The following PIEZO2 variants were observed in gnomAD, a reference collection of about 807,000 sequenced individuals.
The protein encoded by PIEZO2 is piezo-type mechanosensitive ion channel component 2.
Under a neutral mutation model 337.3 loss-of-function variants are expected in PIEZO2, and 172 were observed. The ratio of observed to expected loss-of-function variants is 0.51; its 90% confidence interval spans 0.45 to 0.58. The LOEUF is 0.58. PIEZO2 is among the 20% of genes least tolerant of loss of function. PIEZO2 has a pLI of 0.00. For synonymous variants in PIEZO2, 1,251 were observed against 1,228.5 expected (o/e 1.02, Z -0.38); for missense variants, 3,028 against 3,391.3 (o/e 0.89, Z 2.66).
chr18:11,135,182 C>A (rs2040447217), intron 1 of PIEZO2, among the ~76,000 whole-genome samples: 1 of 152,092 alleles, frequency 6.6e-6, no homozygotes. Flanking sequence ...TGGGCAAGAG[C>A]CAAAACAGAA....
intron 3 of PIEZO2, among the ~76,000 whole-genome samples, chr18:10,928,544 A>C (rs2031892685): frequency 6.6e-6 from 1 of 152,220 alleles, no homozygotes; most frequent in Non-Finnish European, 1.5e-5. Context: ...CTGGCACATA[A>C]ATATTATAAA....
rs1416342203 is a variant in PIEZO2 at position 10,862,979 on chromosome 18, C to T, written c.493-5768G>A. The stretch of plus-strand genomic sequence containing the variant: ...CTTTGGACCTCAGAGCAGAGCTTTT[C>T]ATGCAGCTGAATCCATTTTTTTCTC... On this transcript the variant is annotated intron_variant, in intron 5 of 55. Coordinates refer to ENST00000674853, the MANE Select transcript of PIEZO2 (RefSeq NM_001378183.1). This position sits in a 1 kb window ranked among gnomAD's most constrained non-coding sequence, Gnocchi z 4.4. Among the ~76,000 whole-genome samples, 1 of 152,206 alleles carries T rather than the reference C, an allele frequency of 6.6e-6. No individual in the cohort carries two copies. The highest frequency in any genetic ancestry group is 1.5e-5 in the Non-Finnish European group (1 of 68,026).
At chr18:10,841,460 C>A (rs965545087) in intron 7 of PIEZO2, among the ~76,000 whole-genome samples, 5 of 152,116 alleles carry the variant, frequency 3.3e-5, no homozygotes, top group African/African-American at 9.7e-5. Context: ...AGTGACTCAT[C>A]ATGTACAAGA....
chr18:10,931,697 G>GGTGTGTGTGTGT (rs369138997), intron 3 of PIEZO2, among the ~76,000 whole-genome samples: 7 of 143,436 alleles, frequency 4.9e-5, no homozygotes, highest in South Asian at 2.3e-4. Flanking sequence ...TTCTCTGTGT[G>GGTGTGTGTGTGT]GTGTGTGTGT....
In PIEZO2 at chr18:10,677,718, GCT is replaced by G. The variant is rs985437905; in HGVS notation, c.8081+27_8081+28del. Reference sequence around the variant, plus strand: ...GTACCAGCTGCATATACCTAACAAAGCTCTATTAGTAGGAAAAAATACACTTA... The same window carrying G: ...GTACCAGCTGCATATACCTAACAAAGCTATTAGTAGGAAAAAATACACTTA... On this transcript the variant is annotated intron_variant, in intron 53 of 55. Coordinates refer to ENST00000674853, the MANE Select transcript of PIEZO2 (RefSeq NM_001378183.1). This position sits in a 1 kb window ranked among gnomAD's most constrained non-coding sequence, Gnocchi z 4.1. 1.2e-6 allele frequency: 2 copies of G among 1,601,478 alleles called. No homozygotes were observed. The highest frequency in any genetic ancestry group is 1.8e-5 in the Admixed American group (1 of 56,852).
chr18:11,004,174 T>G (rs1418724224), intron 2 of PIEZO2, among the ~76,000 whole-genome samples: 1 of 152,184 alleles, frequency 6.6e-6, no homozygotes, highest in Non-Finnish European at 1.5e-5. Context: ...GTGTGAGTAG[T>G]GACACCCCTG....
chr18:10,946,172 A>T (rs1287655665), intron 3 of PIEZO2, among the ~76,000 whole-genome samples: 1 of 152,174 alleles, frequency 6.6e-6, no homozygotes, highest in Non-Finnish European at 1.5e-5. Context: ...GCATATCATA[A>T]TTTAAATGCT....
At chr18:11,023,652 C>T (rs2036406083) in intron 2 of PIEZO2, among the ~76,000 whole-genome samples, 1 of 152,256 alleles carries the variant, frequency 6.6e-6, no homozygotes, top group Admixed American at 6.5e-5. Context: ...TGTGCCCACA[C>T]TCCTCAGCCC....
chr18:10,675,458 T>C (rs1387936723), intron 53 of PIEZO2, among the ~76,000 whole-genome samples, 170 bp from the exon 54 acceptor site: 2 of 152,182 alleles, frequency 1.3e-5, no homozygotes, highest in African/African-American at 2.4e-5. Flanking sequence ...CAGTCAAAAC[T>C]CTCTCATATG....
At position 10,856,243 on chromosome 18, in the gene PIEZO2, A is replaced by G. The variant is rs972333083; in HGVS notation, c.704-677T>C. Among the ~76,000 whole-genome samples the G allele has an allele frequency of 2.0e-5, 3 of 152,192 alleles. No homozygotes were observed. The highest frequency in any genetic ancestry group is 4.4e-5 in the Non-Finnish European group (3 of 68,028). On this transcript the variant is annotated intron_variant, in intron 6 of 55. Coordinates refer to ENST00000674853, the MANE Select transcript of PIEZO2 (RefSeq NM_001378183.1). This position sits in a 1 kb window ranked among gnomAD's most constrained non-coding sequence, Gnocchi z 4.7. Reference sequence around the variant, plus strand: ...TTTTTAAGGAATCATAAATAAAGCCATCACCTTAGGGCAAAAGGAGTCTGT... The same window carrying G: ...TTTTTAAGGAATCATAAATAAAGCCGTCACCTTAGGGCAAAAGGAGTCTGT...
intron 4 of PIEZO2, among the ~76,000 whole-genome samples, chr18:10,889,133 A>T (rs1347810682): frequency 1.3e-5 from 2 of 152,228 alleles, no homozygotes; most frequent in African/African-American, 4.8e-5. Flanking sequence ...GGACAGACAC[A>T]GGTCCACCCA....
chr18:10,778,479 C>A (rs1297349354), intron 18 of PIEZO2, among the ~76,000 whole-genome samples: 1 of 152,070 alleles, frequency 6.6e-6, no homozygotes, highest in Non-Finnish European at 1.5e-5. Context: ...ACTACAGGCG[C>A]CCGCCACCAC....
chr18:10,798,737 G>A (rs996137197), intron 11 of PIEZO2, among the ~76,000 whole-genome samples: 1 of 152,164 alleles, frequency 6.6e-6, no homozygotes, highest in African/African-American at 2.4e-5. Flanking sequence ...GGTTGTCTAG[G>A]CTGTGACCCC....
At chr18:11,087,515 G>T (rs1254965266) in intron 1 of PIEZO2, among the ~76,000 whole-genome samples, 2 of 152,178 alleles carry the variant, frequency 1.3e-5, no homozygotes, top group Non-Finnish European at 2.9e-5. Context: ...TAAGAACACA[G>T]TGTGGTTCTC....
intron 3 of PIEZO2, among the ~76,000 whole-genome samples, chr18:10,928,965 C>T (rs2031922511): frequency 6.6e-6 from 1 of 152,150 alleles, no homozygotes; most frequent in Non-Finnish European, 1.5e-5. Context: ...ACCTTCATCC[C>T]TGTTTAATGG....
intron 11 of PIEZO2, among the ~76,000 whole-genome samples, chr18:10,799,462 G>T (rs767871903): frequency 1.2e-4 from 18 of 147,566 alleles, no homozygotes; most frequent in African/African-American, 4.9e-4. Flanking sequence ...GGTCAGAGGT[G>T]CAGCTTTTTA....
At chr18:10,768,599 C>T (rs2038464129) in intron 21 of PIEZO2, among the ~76,000 whole-genome samples, 1 of 152,136 alleles carries the variant, frequency 6.6e-6, no homozygotes, top group Admixed American at 6.5e-5. Flanking sequence ...GAGTCTCTCA[C>T]TTGTTTTAAA....
At chr18:10,808,595 T>G (rs1347066544) in intron 7 of PIEZO2, among the ~76,000 whole-genome samples, 1 of 152,206 alleles carries the variant, frequency 6.6e-6, no homozygotes, top group African/African-American at 2.4e-5. Context: ...CTTTCTTCAT[T>G]TTTATCAGAA....
intron 2 of PIEZO2, among the ~76,000 whole-genome samples, chr18:11,055,964 C>A (rs143402611): frequency 6.6e-6 from 1 of 152,196 alleles, no homozygotes; most frequent in Non-Finnish European, 1.5e-5. Flanking sequence ...AAAGACCTTC[C>A]GAGATCTGGT....
Sources: allele counts gnomAD v4.1 joint callset (sites outside exome capture counted in the v4.1 genomes callset), GRCh38; gene constraint gnomAD v4.1.1; non-coding constraint Gnocchi (gnomAD v3.1); transcripts MANE v1.5; gene names NCBI Gene and HGNC (gene_info 2026-07-23, HGNC 2026-07-21).